FAM107B: variants seen among roughly 807,000 people sequenced by gnomAD.
FAM107B encodes the protein protein FAM107B.
In FAM107B, 21 loss-of-function variants were observed where a neutral mutation model predicts 31.5. The observed-to-expected ratio is 0.67, with a 90% CI of 0.47 to 0.96. The LOEUF (loss-of-function observed/expected upper bound fraction) is 0.96. Among genes scored for constraint, FAM107B ranks in the 40% least tolerant of loss-of-function variants. The pLI, the probability that FAM107B is intolerant of heterozygous loss-of-function variation, is 0.00. For missense variants in FAM107B, 452 were observed against 377.1 expected (o/e 1.20, Z -1.64); for synonymous variants, 157 against 141.5 (o/e 1.11, Z -0.78).
intron 2 of FAM107B, among the ~76,000 whole-genome samples, chr10:14,621,572 T>C (rs1484048532): frequency 6.0e-5 from 9 of 150,454 alleles, no homozygotes; most frequent in Admixed American, 5.3e-4. Context: ...TTAAAGAATA[T>C]AAAAAGGAAA....
At chr10:14,602,265 G>A (rs1588650880) in intron 2 of FAM107B, among the ~76,000 whole-genome samples, 1 of 152,172 alleles carries the variant, frequency 6.6e-6, no homozygotes, top group East Asian at 1.9e-4. Context: ...GCACCTGAGT[G>A]GACACAGCCA....
chr10:14,667,557 GA>G, intron 2 of FAM107B, 76 bp downstream of exon 2: 1 of 1,465,078 alleles, frequency 6.8e-7, no homozygotes, highest in South Asian at 1.2e-5. Context: ...TTTGCAATCT[GA>G]AAAGCCTTAG....
chr10:14,655,709 G>T (rs1025660224), intron 2 of FAM107B, among the ~76,000 whole-genome samples: 6 of 152,238 alleles, frequency 3.9e-5, no homozygotes, highest in Non-Finnish European at 7.3e-5. Flanking sequence ...GAGGTGGGAA[G>T]CCGGGACAGG....
chr10:14,583,795 C>T (rs889230734), intron 2 of FAM107B, among the ~76,000 whole-genome samples: 1 of 152,084 alleles, frequency 6.6e-6, no homozygotes, highest in African/African-American at 2.4e-5. Context: ...GTCCATTCAC[C>T]GGAAGAATCT....
chr10:14,637,739 T>A (rs1043727159), intron 2 of FAM107B, among the ~76,000 whole-genome samples: 5 of 152,184 alleles, frequency 3.3e-5, no homozygotes, highest in African/African-American at 1.2e-4. Flanking sequence ...TTCCTGGCTT[T>A]GACAAAGCAA....
At chr10:14,683,104 G>C (rs566432587) in intron 1 of FAM107B, among the ~76,000 whole-genome samples, 3 of 152,248 alleles carry the variant, frequency 2.0e-5, no homozygotes, top group African/African-American at 7.2e-5. Context: ...ACTTTTAAGT[G>C]GAGCAGGAAT....
intron 1 of FAM107B, among the ~76,000 whole-genome samples, chr10:14,687,017 T>C (rs1244317993): frequency 6.6e-6 from 1 of 152,258 alleles, no homozygotes; most frequent in Admixed American, 6.5e-5. Flanking sequence ...CAGGAAATTT[T>C]ACGCTCAAAA....
intron 1 of FAM107B, among the ~76,000 whole-genome samples, chr10:14,761,894 G>T (rs116304292): frequency 6.6e-6 from 1 of 152,206 alleles, no homozygotes; most frequent in East Asian, 1.9e-4. Flanking sequence ...CCACCGCACC[G>T]GGCCGATGGC....
intron 2 of FAM107B, among the ~76,000 whole-genome samples, chr10:14,644,911 A>G (rs1264422945): frequency 6.6e-6 from 1 of 152,220 alleles, no homozygotes; most frequent in Non-Finnish European, 1.5e-5. Context: ...AAGAAGGGAT[A>G]TACATAGCAT....
intron 1 of FAM107B, among the ~76,000 whole-genome samples, chr10:14,707,981 A>G (rs1855558347): frequency 6.6e-6 from 1 of 152,228 alleles, no homozygotes; most frequent in Non-Finnish European, 1.5e-5. Flanking sequence ...CCCTGCCTTC[A>G]GCCCCAAATT....
At chr10:14,709,516 C>T (rs1222038858) in intron 1 of FAM107B, among the ~76,000 whole-genome samples, 1 of 152,166 alleles carries the variant, frequency 6.6e-6, no homozygotes, top group African/African-American at 2.4e-5. Context: ...TTCACTATCA[C>T]AAGAACAGCA....
chr10:14,616,153 T>C (rs1197247462), intron 2 of FAM107B, among the ~76,000 whole-genome samples: 8 of 152,206 alleles, frequency 5.3e-5, no homozygotes, highest in Admixed American at 5.2e-4. Flanking sequence ...AATATTGACC[T>C]GCTTGTGGAT....
intron 2 of FAM107B, among the ~76,000 whole-genome samples, chr10:14,658,413 C>G (rs1420118962): frequency 6.6e-6 from 1 of 152,190 alleles, no homozygotes; most frequent in Non-Finnish European, 1.5e-5. Context: ...ATGTCTGACC[C>G]ATGTCTGACT....
intron 3 of FAM107B, among the ~76,000 whole-genome samples, chr10:14,524,972 T>C (rs1588465901): frequency 6.6e-6 from 1 of 152,220 alleles, no homozygotes; most frequent in Non-Finnish European, 1.5e-5. Context: ...AGATAAAATA[T>C]GTAGTAACAA....
At chr10:14,649,770 ATCTC>A (rs2131444830) in intron 2 of FAM107B, among the ~76,000 whole-genome samples, 1 of 152,272 alleles carries the variant, frequency 6.6e-6, no homozygotes, top group Non-Finnish European at 1.5e-5. Flanking sequence ...TGTTCTTAGG[ATCTC>A]CTGGGGCTGT....
In FAM107B at chr10:14,521,167, C is replaced by T. The variant is rs79621927; in HGVS notation, c.*23G>A. On this transcript the variant is annotated 3_prime_UTR_variant, in exon 5 of 5. Coordinates refer to ENST00000181796, the MANE Select transcript of FAM107B (RefSeq NM_031453.4). ...ACAGACAGCTCTGTGGGGTGACACA[C>T]GAGGTCTTGGTGCAGCCTCAGCCTA... 2,472 of 1,587,238 alleles carry T rather than the reference C, an allele frequency of 1.6e-3. 50 individuals are homozygous for T. The African/African-American group carries it at 0.029, about 19-fold the overall frequency.
In FAM107B at chr10:14,738,576, T is replaced by A. The variant is rs201567447; in HGVS notation, c.411+35677A>T. 7.2e-5 allele frequency among the ~76,000 whole-genome samples: 11 copies of A among 152,242 alleles called. No individual in the cohort carries two copies. In the East Asian group the frequency reaches 1.7e-3, roughly 24 times the overall value. ...CCCAGCAGTAACCTATTTCTGGGTA[T>A]CCTGAAGCGTGTCACACGCCACCTA... On this transcript the variant is annotated intron_variant, in intron 1 of 4. Transcript: ENST00000181796.
At chr10:14,672,702 T>C (rs1244122867) in intron 1 of FAM107B, among the ~76,000 whole-genome samples, 11 of 152,238 alleles carry the variant, frequency 7.2e-5, no homozygotes, top group Admixed American at 6.5e-4. Flanking sequence ...GAAACCACAC[T>C]AAGTTTATAC....
intron 2 of FAM107B, among the ~76,000 whole-genome samples, chr10:14,554,413 C>A (rs966167855): frequency 6.6e-6 from 1 of 152,188 alleles, no homozygotes; most frequent in East Asian, 1.9e-4. Context: ...GGCCGGAACT[C>A]AGACTGGGCA....
Sources: allele counts gnomAD v4.1 joint callset (sites outside exome capture counted in the v4.1 genomes callset), GRCh38; gene constraint gnomAD v4.1.1; transcripts MANE v1.5; gene names NCBI Gene and HGNC (gene_info 2026-07-23, HGNC 2026-07-21).